Variants in FNDC3A observed in about 807,000 individuals in gnomAD.
FNDC3A encodes fibronectin type-III domain-containing protein 3A.
A neutral mutation model predicts 148.9 loss-of-function variants in FNDC3A; 32 were observed. The observed-to-expected ratio is 0.21, with a 90% CI of 0.16 to 0.29. FNDC3A has a LOEUF of 0.29. Among genes scored for constraint, FNDC3A ranks in the 10% least tolerant of loss-of-function variants. FNDC3A has a pLI of 1.00. For missense variants in FNDC3A, 1,191 were observed against 1,452.8 expected (o/e 0.82, Z 2.93); for synonymous variants, 472 against 473.6 (o/e 1.00, Z 0.04).
At chr13:49,035,901 G>C (rs1874456130) in intron 2 of FNDC3A, among the ~76,000 whole-genome samples, 1 of 152,018 alleles carries the variant, frequency 6.6e-6, no homozygotes, top group African/African-American at 2.4e-5. Flanking sequence ...AAATTCGTTA[G>C]TTTGATAATA....
chr13:49,095,691 T>C (rs1400583659), intron 3 of FNDC3A, among the ~76,000 whole-genome samples: 1 of 152,046 alleles, frequency 6.6e-6, no homozygotes, highest in Non-Finnish European at 1.5e-5. Flanking sequence ...GAGATTTACC[T>C]TAGTTTAGCC....
At chr13:49,078,131 A>G (rs1878237506) in intron 3 of FNDC3A, among the ~76,000 whole-genome samples, 1 of 152,212 alleles carries the variant, frequency 6.6e-6, no homozygotes, top group Non-Finnish European at 1.5e-5. Flanking sequence ...GAAGATACTC[A>G]TTACTGTTTT....
intron 2 of FNDC3A, among the ~76,000 whole-genome samples, chr13:49,038,092 T>C (rs1458747293): frequency 1.3e-5 from 2 of 152,184 alleles, no homozygotes; most frequent in African/African-American, 4.8e-5. Flanking sequence ...GCGGCCGATC[T>C]CTTCTCTGAT....
intron 2 of FNDC3A, among the ~76,000 whole-genome samples, chr13:49,051,964 T>C (rs1875874646): frequency 6.6e-6 from 1 of 152,146 alleles, no homozygotes. Context: ...TTGATTCTAT[T>C]GCTGAGACTT....
rs118172325 is a variant in FNDC3A at position 49,007,618 on chromosome 13, C to T, written c.99+1329C>T. On this transcript the variant is annotated intron_variant, in intron 2 of 25. Coordinates refer to ENST00000492622, the MANE Select transcript of FNDC3A (RefSeq NM_001079673.2). ...AGGGGAAGACAGCAGGCTGAAATAA[C>T]TCCATGATGCCATCTCAAGACTTTT... Among the ~76,000 whole-genome samples the T allele has an allele frequency of 7.2e-3, 1,091 of 152,262 alleles. 7 individuals carry two copies. The highest frequency in any genetic ancestry group is 0.011 in the Non-Finnish European group (715 of 67,998).
At chr13:49,095,537 A>G (rs546212363) in intron 3 of FNDC3A, 2 of 152,186 alleles carry the variant, frequency 1.3e-5, no homozygotes, top group Non-Finnish European at 2.9e-5. Context: ...GAGAATCTTT[A>G]TACCTTGAGG....
intron 2 of FNDC3A, among the ~76,000 whole-genome samples, chr13:49,048,878 GTTC>G (rs1243417714): frequency 6.6e-6 from 1 of 152,088 alleles, no homozygotes; most frequent in Non-Finnish European, 1.5e-5. Context: ...AAAAGTGGGT[GTTC>G]TTGTCTCGTT....
At chr13:49,178,332 A>G (rs1185749890) in intron 13 of FNDC3A, among the ~76,000 whole-genome samples, 1 of 152,184 alleles carries the variant, frequency 6.6e-6, no homozygotes, top group Non-Finnish European at 1.5e-5. Flanking sequence ...TCTCTTGGCT[A>G]CTATATTTAC....
At chr13:49,032,730 C>T (rs531753020) in intron 2 of FNDC3A, among the ~76,000 whole-genome samples, 66 of 150,664 alleles carry the variant, frequency 4.4e-4, no homozygotes, top group African/African-American at 1.4e-3. Flanking sequence ...AGCGAGACTC[C>T]GTCTCAAAAA....
chr13:49,132,000 A>T (rs1882065035), intron 5 of FNDC3A, among the ~76,000 whole-genome samples: 1 of 151,970 alleles, frequency 6.6e-6, no homozygotes, highest in South Asian at 2.1e-4. Context: ...TCAAATGTGG[A>T]CCCCCACGAC....
At chr13:49,179,383 TATA>T (rs1188377046) in intron 14 of FNDC3A, among the ~76,000 whole-genome samples, 3 of 152,178 alleles carry the variant, frequency 2.0e-5, no homozygotes, top group South Asian at 2.1e-4. Flanking sequence ...TTCTCATATT[TATA>T]ATAACTGTAA....
chr13:49,187,520 T>G, intron 16 of FNDC3A: 9 of 1,607,956 alleles, frequency 5.6e-6, no homozygotes, highest in Non-Finnish European at 7.6e-6. Flanking sequence ...AGAAAGGGTG[T>G]AGCAAATGCA....
chr13:49,110,305 A>G lies in FNDC3A; in HGVS notation c.176-4350A>G, dbSNP rs1021240884. The G allele has an allele frequency of 3.9e-6, 6 of 1,553,624 alleles. No individual in the cohort carries two copies. In the African/African-American group the frequency reaches 8.4e-5, roughly 22 times the overall value. ...CTTTTCCTCTTACAGCCTTGCAAAA[A>G]AAAAAAAAGCCGTTCTCCAATTAAA... On this transcript the variant is annotated intron_variant, in intron 3 of 25. Coordinates refer to ENST00000492622, the MANE Select transcript of FNDC3A (RefSeq NM_001079673.2).
chr13:49,182,164 T>C (rs1885338530), intron 14 of FNDC3A, among the ~76,000 whole-genome samples: 1 of 151,738 alleles, frequency 6.6e-6, no homozygotes, highest in South Asian at 2.1e-4. Flanking sequence ...TATTTTTTTA[T>C]ATTTTTTTGT....
intron 2 of FNDC3A, among the ~76,000 whole-genome samples, chr13:49,041,392 A>G (rs1874917633): frequency 2.0e-5 from 3 of 152,202 alleles, no homozygotes; most frequent in Admixed American, 6.5e-5. Flanking sequence ...CTCTATCCCA[A>G]TTATCTAGCA....
intron 2 of FNDC3A, among the ~76,000 whole-genome samples, chr13:49,049,246 C>G (rs1471615189): frequency 6.6e-6 from 1 of 152,114 alleles, no homozygotes; most frequent in Non-Finnish European, 1.5e-5. Context: ...CTGTGTTTAT[C>G]AGGGATATTG....
chr13:49,044,694 T>C (rs960734991), intron 2 of FNDC3A: 14 of 244,600 alleles, frequency 5.7e-5, no homozygotes, highest in Admixed American at 5.1e-4. Context: ...AAGAAAAATC[T>C]GAGCTTGATT....
At chr13:49,000,944 T>C (rs539793877) in intron 1 of FNDC3A, among the ~76,000 whole-genome samples, 25 of 149,342 alleles carry the variant, frequency 1.7e-4, no homozygotes, top group Non-Finnish European at 3.7e-4. Flanking sequence ...CACTTATTAG[T>C]TCTAACAGGT....
chr13:49,131,726 A>G (rs1882048723), intron 5 of FNDC3A, among the ~76,000 whole-genome samples: 2 of 152,238 alleles, frequency 1.3e-5, no homozygotes, highest in Admixed American at 6.5e-5. Context: ...TGATGCCACT[A>G]CACAAAGCTG....
Sources: allele counts gnomAD v4.1 joint callset (sites outside exome capture counted in the v4.1 genomes callset), GRCh38; gene constraint gnomAD v4.1.1; transcripts MANE v1.5; gene names NCBI Gene and HGNC (gene_info 2026-07-23, HGNC 2026-07-21).